The following HADHA variants were observed in gnomAD, a reference collection of about 807,000 sequenced individuals.
HADHA encodes hydroxyacyl-CoA dehydrogenase trifunctional multienzyme complex subunit alpha, also known as trifunctional enzyme subunit alpha, mitochondrial.
A neutral mutation model predicts 91.3 loss-of-function variants in HADHA; 59 were observed. The observed-to-expected ratio is 0.65, with a 90% CI of 0.52 to 0.80. The LOEUF (loss-of-function observed/expected upper bound fraction) is 0.80. HADHA is among the 30% of genes least tolerant of loss of function. HADHA has a pLI of 0.00. For synonymous variants in HADHA, 320 were observed against 338.9 expected (o/e 0.94, Z 0.61); for missense variants, 800 against 927.6 (o/e 0.86, Z 1.79).
At chr2:26,216,672 C>T (rs905445992) in intron 7 of HADHA, among the ~76,000 whole-genome samples, 4 of 151,970 alleles carry the variant, frequency 2.6e-5, no homozygotes, top group East Asian at 1.9e-4. Flanking sequence ...TAACTAAGCC[C>T]AAAACTTTGG....
At chr2:26,228,124 C>T (rs1476207892) in intron 7 of HADHA, among the ~76,000 whole-genome samples, 2 of 150,888 alleles carry the variant, frequency 1.3e-5, no homozygotes, top group Admixed American at 6.6e-5. Context: ...AAACATTTGT[C>T]CACATAAAGA....
intron 10 of HADHA, chr2:26,212,313 C>A (rs1670120372): frequency 4.3e-6 from 2 of 470,552 alleles, no homozygotes; most frequent in Non-Finnish European, 7.8e-6. Flanking sequence ...TCTTGAACTC[C>A]TGAGCTCAAA....
chr2:26,227,375 G>T (rs1444093861), intron 7 of HADHA, among the ~76,000 whole-genome samples: 1 of 152,084 alleles, frequency 6.6e-6, no homozygotes, highest in East Asian at 1.9e-4. Flanking sequence ...AGTTGGACAT[G>T]GTGGTGGGCG....
intron 6 of HADHA, among the ~76,000 whole-genome samples, chr2:26,231,842 G>A (rs910629649): frequency 1.3e-5 from 2 of 151,906 alleles, no homozygotes; most frequent in African/African-American, 4.8e-5. Flanking sequence ...AGTGGTGCAC[G>A]CCTGTAATTC....
At chr2:26,203,056 A>G (rs1041081550) in intron 12 of HADHA, among the ~76,000 whole-genome samples, 4 of 152,212 alleles carry the variant, frequency 2.6e-5, no homozygotes, top group Non-Finnish European at 4.4e-5. Context: ...ATGGTATGGA[A>G]TGCTGTTTGG....
chr2:26,222,965 G>A (rs1334033478), intron 7 of HADHA, among the ~76,000 whole-genome samples: 1 of 152,170 alleles, frequency 6.6e-6, no homozygotes, highest in Non-Finnish European at 1.5e-5. Context: ...CCCACAGCCA[G>A]GATTCGTGAG....
In HADHA at chr2:26,201,798, T is replaced by A. The variant is rs184207133; in HGVS notation, c.1221-478A>T. Among the ~76,000 whole-genome samples the A allele has an allele frequency of 5.1e-3, 775 of 152,100 alleles. 3 individuals carry two copies. The highest frequency in any genetic ancestry group is 0.017 in the African/African-American group (702 of 41,502). On this transcript the variant is annotated intron_variant, in intron 12 of 19. Coordinates refer to ENST00000380649, the MANE Select transcript of HADHA (RefSeq NM_000182.5). Reference sequence around the variant, plus strand: ...TTCTGTAGTTGTAATCTTTTTTTTTTTTTATTTATTTTTTGAGACGGAGTC... The same window carrying A: ...TTCTGTAGTTGTAATCTTTTTTTTTATTTATTTATTTTTTGAGACGGAGTC...
Position 26,239,109 on chromosome 2 carries a change from A to G in HADHA, c.102T>C (p.Ala34=). The G allele has an allele frequency of 6.2e-7, 1 of 1,607,968 alleles. No individual in the cohort carries two copies. The highest frequency in any genetic ancestry group is 1.3e-5 in the African/African-American group (1 of 74,932). ...AAAAGAAATTAAACTTACTCAGCAA[A>G]GCAGAAGACCCTGTAAAATTGCGGC... The part of the protein sequence containing the change: ...YICRNFTGSS[A]LLTRTHINYG... The change falls in exon 2 of 20, where the codon GCT becomes GCC. Residue 34 remains alanine, a synonymous_variant. Coordinates refer to ENST00000380649, the MANE Select transcript of HADHA (RefSeq NM_000182.5).
intron 11 of HADHA, among the ~76,000 whole-genome samples, chr2:26,206,304 T>C (rs75551926): frequency 6.6e-6 from 1 of 151,520 alleles, no homozygotes; most frequent in African/African-American, 2.4e-5. Context: ...TCTCAGCTCA[T>C]TGCAACCTCT....
At chr2:26,222,946 G>A (rs1670406458) in intron 7 of HADHA, among the ~76,000 whole-genome samples, 1 of 152,166 alleles carries the variant, frequency 6.6e-6, no homozygotes, top group African/African-American at 2.4e-5. Context: ...AGTATAGGGT[G>A]CTACTTTTCC....
chr2:26,222,126 C>T (rs1306328559), intron 7 of HADHA, among the ~76,000 whole-genome samples: 1 of 151,314 alleles, frequency 6.6e-6, no homozygotes, highest in Non-Finnish European at 1.5e-5. Flanking sequence ...TTAGGGTGTA[C>T]CCTAATCTAA....
chr2:26,218,299 C>CAA (rs35868710), intron 7 of HADHA, among the ~76,000 whole-genome samples: 13,681 of 146,362 alleles, frequency 0.093, 2,164 homozygotes, highest in East Asian at 0.74. Flanking sequence ...GACTCTGTCT[C>CAA]AAAAAAAAAA....
chr2:26,191,456 G>C lies in HADHA; in HGVS notation c.2146+27C>G, dbSNP rs1397284716. 5 of 1,614,172 alleles carry C rather than the reference G, an allele frequency of 3.1e-6. No individual in the cohort carries two copies. In the Admixed American group the frequency reaches 8.3e-5, roughly 27 times the overall value. On this transcript the variant is annotated intron_variant, in intron 19 of 19. Transcript: ENST00000380649. ...CAACACGGGCTCCAGGCTAAAGTGA[G>C]CTTCCTTCCCAACCTGCGAGACCAA...
In HADHA at chr2:26,244,545, T is replaced by A; in HGVS notation, c.52A>T (p.Ile18Phe). The A allele has an allele frequency of 6.3e-7, 1 of 1,585,280 alleles. No homozygotes were observed. The highest frequency in any genetic ancestry group is 8.6e-7 in the Non-Finnish European group (1 of 1,165,320). Residue 18 changes from isoleucine to phenylalanine, a missense_variant, in exon 1 of 20, where the codon ATC (isoleucine) becomes TTC (phenylalanine). Physicochemically the swap from Ile to Phe is conservative, Grantham distance 21 (BLOSUM62 0). Coordinates refer to ENST00000380649, the MANE Select transcript of HADHA (RefSeq NM_000182.5). Reference protein sequence around the residue: ...GILSRFSAFRILRSRGYICRN... With the variant: ...GILSRFSAFRFLRSRGYICRN... ...CAGGCCTCACCTCGGGAGCGGAGGA[T>A]CCTGAAGGCAGAAAAGCGGCTGAGG... is the stretch of plus-strand genomic sequence containing the variant.
intron 1 of HADHA, among the ~76,000 whole-genome samples, chr2:26,240,942 C>T (rs1051066258): frequency 6.6e-6 from 1 of 152,240 alleles, no homozygotes; most frequent in African/African-American, 2.4e-5. Flanking sequence ...CCAGTATATA[C>T]ATGAACATAC....
In HADHA at chr2:26,210,722, A is replaced by G. The variant is rs1670081804; in HGVS notation, c.976-833T>C. ...CTTTTAAAAGTAGCTTAATTTATGG[A>G]GAAAAAGTCTCAACTTGGTGGTTAA... is the stretch of plus-strand genomic sequence containing the variant. On this transcript the variant is annotated intron_variant, in intron 10 of 19. Coordinates refer to ENST00000380649, the MANE Select transcript of HADHA (RefSeq NM_000182.5). The surrounding 1 kb of genome is among the most constrained non-coding windows in gnomAD (Gnocchi z 4.0). The G allele has an allele frequency of 6.6e-6, 1 of 152,206 alleles. No individual in the cohort carries two copies. Among genetic ancestry groups the G allele is most frequent in the Non-Finnish European group, 1.5e-5 (1 of 68,044 alleles). 9.4% of individuals were successfully genotyped at this position (152,206 alleles called of 1,614,324 possible).
chr2:26,219,443 C>T (rs753022778), intron 7 of HADHA, among the ~76,000 whole-genome samples: 5 of 152,050 alleles, frequency 3.3e-5, no homozygotes, highest in Non-Finnish European at 1.5e-5. Flanking sequence ...AATTATTAAT[C>T]CAAAAGAAAG....
In HADHA at chr2:26,230,507, G is replaced by A. The variant is rs189481510; in HGVS notation, c.574-213C>T. Among the ~76,000 whole-genome samples, 17 of 152,258 alleles carry A rather than the reference G, an allele frequency of 1.1e-4. No homozygotes were observed. In the East Asian group the frequency reaches 2.5e-3, roughly 22 times the overall value. ...AGATACCTCTAGCTGAAGCAAAAAT[G>A]TCTTTATCTCTTAATTCAATATATA... On this transcript the variant is annotated intron_variant, in intron 6 of 19. Transcript: ENST00000380649.
chr2:26,239,991 C>G (rs1299047453), intron 1 of HADHA, among the ~76,000 whole-genome samples: 2 of 152,210 alleles, frequency 1.3e-5, no homozygotes, highest in Non-Finnish European at 2.9e-5. Flanking sequence ...ATGTTTCCTG[C>G]TTTGCTTTTC....
Sources: allele counts gnomAD v4.1 joint callset (sites outside exome capture counted in the v4.1 genomes callset), GRCh38; gene constraint gnomAD v4.1.1; non-coding constraint Gnocchi (gnomAD v3.1); transcripts MANE v1.5; gene names NCBI Gene and HGNC (gene_info 2026-07-23, HGNC 2026-07-21).